MYPN: variants seen among roughly 807,000 people sequenced by gnomAD.
The protein encoded by MYPN is sarcomeric protein myopalladin, 145 kDa (MYOP).
A neutral mutation model predicts 129.4 loss-of-function variants in MYPN; 63 were observed. The observed-to-expected ratio is 0.49, with a 90% confidence interval of 0.40 to 0.60. The LOEUF (loss-of-function observed/expected upper bound fraction) is 0.60, where lower values mean the gene tolerates loss of function less well. Ranked by LOEUF, MYPN falls within the 20% of genes least tolerant of loss-of-function variation. The pLI is 0.00. For synonymous variants in MYPN, 629 were observed against 600.9 expected (o/e 1.05, Z -0.68); for missense variants, 1,596 against 1,635.4 (o/e 0.98, Z 0.42).
chr10:68,135,375 C>A (rs1018192050), intron 2 of MYPN: 1 of 537,324 alleles, frequency 1.9e-6, no homozygotes, highest in Non-Finnish European at 2.4e-6. Flanking sequence ...AGCAGTCAAA[C>A]AGGACATACA....
At chr10:68,105,038 C>T (rs555136935), upstream of MYPN, among the ~76,000 whole-genome samples, 2 of 152,178 alleles carry the variant, frequency 1.3e-5, no homozygotes, top group Non-Finnish European at 2.9e-5. Context: ...CCCGCCTCAG[C>T]CTGCAAAGTG....
At chr10:68,182,656 G>A (rs1463248663) in intron 12 of MYPN, among the ~76,000 whole-genome samples, 9 of 151,328 alleles carry the variant, frequency 5.9e-5, no homozygotes, top group East Asian at 1.9e-4. Context: ...ACAGGCACTC[G>A]CCACCATGCC....
chr10:68,141,981 C>T (rs758880939), intron 2 of MYPN, among the ~76,000 whole-genome samples: 4 of 152,256 alleles, frequency 2.6e-5, no homozygotes, highest in South Asian at 2.1e-4. Flanking sequence ...TGAGGATGAA[C>T]GCCTGAATGG....
intron 1 of MYPN, among the ~76,000 whole-genome samples, chr10:68,092,582 T>A (rs945775015): frequency 3.3e-5 from 5 of 152,182 alleles, no homozygotes; most frequent in Non-Finnish European, 5.9e-5. Context: ...AATACAGGAA[T>A]GCTAGTTGTT....
intron 4 of MYPN, among the ~76,000 whole-genome samples, chr10:68,147,914 G>A (rs541417122): frequency 6.6e-6 from 1 of 152,204 alleles, no homozygotes; most frequent in East Asian, 1.9e-4. Flanking sequence ...AATTCTCAGA[G>A]GTTAAGTTTT....
chr10:68,182,403 A>G (rs28649397), intron 12 of MYPN, among the ~76,000 whole-genome samples: 1 of 85,876 alleles, frequency 1.2e-5, no homozygotes, highest in Non-Finnish European at 2.7e-5. Flanking sequence ...CATATATATA[A>G]CACATATATA....
In MYPN at chr10:68,211,584, C is replaced by G. The variant is rs1305777531; in HGVS notation, c.*1129C>G. 22 of 453,974 alleles carry G rather than the reference C, an allele frequency of 4.8e-5. No individual in the cohort carries two copies. The highest frequency in any genetic ancestry group is 4.0e-4 in the Admixed American group (17 of 42,546). 28.1% of individuals were successfully genotyped at this position (453,974 alleles called of 1,614,324 possible). A position where few individuals can be genotyped will look rare whatever the true frequency, so the allele number is the denominator to read the frequency against. On this transcript the variant is annotated 3_prime_UTR_variant, in exon 20 of 20. Transcript: ENST00000358913. ...GGAATATGCATCTTTATTCTAATCA[C>G]CAATTCAAACCCTGCCTCTTAAGGA...
intron 1 of MYPN, among the ~76,000 whole-genome samples, chr10:68,088,523 A>T (rs1178332877): frequency 6.6e-6 from 1 of 152,208 alleles, no homozygotes; most frequent in African/African-American, 2.4e-5. Flanking sequence ...TTGCACATGA[A>T]TAACTCCCAG....
At chr10:68,154,554 G>A (rs2042835039) in intron 6 of MYPN, among the ~76,000 whole-genome samples, 1 of 152,228 alleles carries the variant, frequency 6.6e-6, no homozygotes, top group Non-Finnish European at 1.5e-5. Context: ...GGGCACTTGT[G>A]ACAGTCAAGG....
upstream of MYPN, among the ~76,000 whole-genome samples, chr10:68,106,977 T>A (rs1374832938): frequency 6.6e-6 from 1 of 152,240 alleles, no homozygotes; most frequent in Non-Finnish European, 1.5e-5. Context: ...CAAAGTTTGT[T>A]TTTAACTATG....
intron 1 of MYPN, among the ~76,000 whole-genome samples, chr10:68,117,234 A>G (rs1486072605): frequency 6.6e-6 from 1 of 152,084 alleles, no homozygotes; most frequent in African/African-American, 2.4e-5. Context: ...TAAAAAAAAA[A>G]AAAAAGTGAA....
intron 1 of MYPN, among the ~76,000 whole-genome samples, chr10:68,119,351 A>G (rs2042205632): frequency 6.6e-6 from 1 of 152,026 alleles, no homozygotes; most frequent in Admixed American, 6.6e-5. Context: ...ACCTTTGTAG[A>G]CAAATCTTTG....
chr10:68,119,472 G>T (rs2042209124), intron 1 of MYPN, among the ~76,000 whole-genome samples: 1 of 151,608 alleles, frequency 6.6e-6, no homozygotes, highest in South Asian at 2.1e-4. Flanking sequence ...GTGCAATGGT[G>T]CAATCTTGGC....
At chr10:68,205,506 C>A (rs548756497) in intron 18 of MYPN, among the ~76,000 whole-genome samples, 92 of 131,216 alleles carry the variant, frequency 7.0e-4, no homozygotes, top group African/African-American at 2.5e-3. Flanking sequence ...CAGTGAAACC[C>A]TATTTCTACC....
chr10:68,195,861 C>T (rs1392728623), intron 15 of MYPN, among the ~76,000 whole-genome samples: 3 of 151,922 alleles, frequency 2.0e-5, no homozygotes, highest in Admixed American at 1.3e-4. Flanking sequence ...GGAGTGCAGT[C>T]GTGTGATCAT....
chr10:68,126,308 C>A (rs1176584233), intron 2 of MYPN, among the ~76,000 whole-genome samples: 6 of 152,012 alleles, frequency 3.9e-5, no homozygotes, highest in African/African-American at 1.5e-4. Context: ...AGGACACTGA[C>A]CAAACTGGAA....
At chr10:68,163,892 A>G (rs140121262) in intron 8 of MYPN, among the ~76,000 whole-genome samples, 1 of 152,316 alleles carries the variant, frequency 6.6e-6, no homozygotes, top group East Asian at 1.9e-4. Flanking sequence ...TATGGTTTCA[A>G]TATCACACTG....
rs149271807 is a variant in MYPN, at chr10:68,140,969, G to T, written c.903-1971G>T. On this transcript the variant is annotated intron_variant, in intron 2 of 19. Transcript: ENST00000358913. Reference sequence around the variant, plus strand: ...TGCCTGTGGCCCCAGCTACTTGGGAGGCTGGAGTGGGAGGATCACCTGAGC... The same window carrying T: ...TGCCTGTGGCCCCAGCTACTTGGGATGCTGGAGTGGGAGGATCACCTGAGC... Among the ~76,000 whole-genome samples the T allele has an allele frequency of 2.4e-3, 360 of 152,324 alleles. 7 individuals are homozygous for T. The highest frequency in any genetic ancestry group is 0.015 in the East Asian group (78 of 5,172).
chr10:68,109,033 A>T (rs911797003), upstream of MYPN, among the ~76,000 whole-genome samples: 2 of 152,042 alleles, frequency 1.3e-5, no homozygotes, highest in African/African-American at 4.8e-5. Context: ...GGAATTTTTA[A>T]CGTTAGTTAC....
Sources: gnomAD v4.1 joint callset for allele counts (sites outside exome capture counted in the v4.1 genomes callset) on GRCh38, gnomAD v4.1.1 for gene constraint, MANE v1.5 for transcripts, NCBI Gene and HGNC (gene_info 2026-07-23, HGNC 2026-07-21) for gene names.